MED12L: variants seen among roughly 807,000 people sequenced by gnomAD.
The protein encoded by MED12L is mediator of RNA polymerase II transcription subunit 12-like protein.
A neutral mutation model predicts 281.3 loss-of-function variants in MED12L; 60 were observed. The ratio of observed to expected loss-of-function variants is 0.21; its 90% CI spans 0.17 to 0.26. The LOEUF (loss-of-function observed/expected upper bound fraction) is 0.26. MED12L is among the 10% of genes least tolerant of loss of function. The probability of loss-of-function intolerance (pLI) is 1.00; values close to 1 mark genes in which losing one functional copy is unlikely to be tolerated. For synonymous variants in MED12L, 974 were observed against 987.2 expected (o/e 0.99, Z 0.25); for missense variants, 2,146 against 2,680.9 (o/e 0.80, Z 4.41).
Position 151,432,683 on chromosome 3 carries a change from AGAGG to A in MED12L, c.6491-67_6491-64del, listed in dbSNP as rs1719670581. On this transcript the variant is annotated intron_variant, in intron 44 of 44. Coordinates refer to ENST00000687756, the MANE Select transcript of MED12L (RefSeq NM_001393769.1). The stretch of plus-strand genomic sequence containing the variant: ...GCAGCTGGTACTGAGAGCAGTGACA[AGAGG>A]GTAGCATCCATCTGTGCAATAGTTT... The A allele has an allele frequency of 4.4e-6, 5 of 1,141,950 alleles. No individual in the cohort carries two copies. The South Asian group carries it at 6.5e-5, about 15-fold the overall frequency. 70.7% of individuals were successfully genotyped at this position (1,141,950 alleles called of 1,614,324 possible).
chr3:151,141,166 G>GTTTTTTTTGT (rs1716883798), intron 5 of MED12L, among the ~76,000 whole-genome samples: 1 of 98,122 alleles, frequency 1.0e-5, no homozygotes, highest in African/African-American at 5.3e-5. Flanking sequence ...CGTGCCTGGC[G>GTTTTTTTTGT]TTTTTTTTTT....
intron 16 of MED12L, chr3:151,328,953 G>A (rs773366464): frequency 1.7e-5 from 27 of 1,613,094 alleles, no homozygotes; most frequent in Middle Eastern, 3.3e-4. Flanking sequence ...CTGGGGCACC[G>A]CTCAGATCTG....
At chr3:151,376,342 T>A in intron 28 of MED12L, 128 bp downstream of exon 28, 1 of 745,806 alleles carries the variant, frequency 1.3e-6, no homozygotes, top group Non-Finnish European at 2.0e-6. Context: ...TCCCACACAT[T>A]TTCTGTGGAA....
intron 36 of MED12L, among the ~76,000 whole-genome samples, chr3:151,386,815 C>T (rs1713458845): frequency 6.6e-6 from 1 of 151,972 alleles, no homozygotes; most frequent in African/African-American, 2.4e-5. Context: ...ACCTCGTGAT[C>T]CACCTGCCTC....
intron 15 of MED12L, 98 bp from the exon 16 acceptor site, chr3:151,193,392 G>A (rs1378423537): frequency 2.3e-6 from 2 of 860,656 alleles, no homozygotes; most frequent in Non-Finnish European, 3.6e-6. Context: ...AGGAAAAGGT[G>A]TATAAGTGTC....
At chr3:151,128,050 C>A in intron 5 of MED12L, 66 bp downstream of exon 5, 2 of 1,386,320 alleles carry the variant, frequency 1.4e-6, no homozygotes, top group Non-Finnish European at 1.0e-6. Flanking sequence ...GTTGCCTGTA[C>A]CCTCTGGATA....
At chr3:151,420,980 C>A (rs1185712486) in intron 43 of MED12L, among the ~76,000 whole-genome samples, 1 of 152,212 alleles carries the variant, frequency 6.6e-6, no homozygotes, top group Non-Finnish European at 1.5e-5. Context: ...CACCATGTAG[C>A]TGGCTGATCA....
At chr3:151,402,267 T>C (rs1158164725) in intron 39 of MED12L, among the ~76,000 whole-genome samples, 1 of 152,214 alleles carries the variant, frequency 6.6e-6, no homozygotes, top group East Asian at 1.9e-4. Context: ...CTTTGGCATT[T>C]GAATATATAA....
intron 11 of MED12L, among the ~76,000 whole-genome samples, chr3:151,169,794 T>A (rs1426865721): frequency 6.6e-6 from 1 of 152,214 alleles, no homozygotes; most frequent in Non-Finnish European, 1.5e-5. Context: ...GTTTTCATAA[T>A]TCATTCAGGA....
At chr3:151,197,695 T>C (rs1416556498) in intron 16 of MED12L, 14 of 152,776 alleles carry the variant, frequency 9.2e-5, no homozygotes, top group Admixed American at 8.5e-4. Context: ...CCCTCTGAAA[T>C]GTTACAGGGC....
At chr3:151,191,344 T>C (rs1045527338) in intron 14 of MED12L, among the ~76,000 whole-genome samples, 1 of 152,246 alleles carries the variant, frequency 6.6e-6, no homozygotes, top group African/African-American at 2.4e-5. Flanking sequence ...TATATCACTC[T>C]TTTATTCATA....
chr3:151,214,401 A>G, intron 16 of MED12L: 1 of 1,151,230 alleles, frequency 8.7e-7, no homozygotes, highest in Non-Finnish European at 1.2e-6. Context: ...ACATTTGCTG[A>G]GTAATAAGGC....
intron 2 of MED12L, among the ~76,000 whole-genome samples, chr3:151,106,782 T>TAATA (rs1170055696): frequency 6.6e-6 from 1 of 152,256 alleles, no homozygotes; most frequent in African/African-American, 2.4e-5. Flanking sequence ...TTATCTCTGA[T>TAATA]AATACTTTTT....
In MED12L at chr3:151,369,516, G is replaced by A. The variant is rs201122370; in HGVS notation, c.3631G>A (p.Val1211Met). ...TCACAACAGCATTGAAGTGGGAGCC[G>A]TGTTTGCTGTCTTAAAAGCAATTAT... ...AAHNSIEVGA[V>M]FAVLKAIMML... Residue 1211 changes from valine (V) to methionine (M), a missense_variant, in exon 26 of 45, where the codon GTG becomes ATG. By Grantham distance (21) the Val-to-Met change is conservative (BLOSUM62 1). Transcript: ENST00000687756. 1.2e-5 allele frequency: 20 copies of A among 1,611,168 alleles called. No homozygotes were observed. The highest frequency in any genetic ancestry group is 1.7e-4 in the Middle Eastern group (1 of 6,042).
At chr3:151,171,683 A>G (rs1187529398) in intron 11 of MED12L, among the ~76,000 whole-genome samples, 1 of 152,236 alleles carries the variant, frequency 6.6e-6, no homozygotes, top group Non-Finnish European at 1.5e-5. Context: ...GATGTTTTGA[A>G]TGGCAAAGGC....
intron 16 of MED12L, among the ~76,000 whole-genome samples, chr3:151,210,386 G>T (rs765700203): frequency 6.6e-6 from 1 of 152,220 alleles, no homozygotes. Context: ...GATGACCAAC[G>T]AATGAGCACT....
chr3:151,386,578 G>GTTTTT (rs201719010), intron 36 of MED12L, among the ~76,000 whole-genome samples: 1 of 128,380 alleles, frequency 7.8e-6, no homozygotes, highest in Non-Finnish European at 1.6e-5. Context: ...TTTTGTCTTT[G>GTTTTT]TTTTTTTTTT....
chr3:151,172,973 TTGTG>T (rs1051018799), intron 11 of MED12L, among the ~76,000 whole-genome samples: 1 of 152,238 alleles, frequency 6.6e-6, no homozygotes, highest in Non-Finnish European at 1.5e-5. Flanking sequence ...GAAAACAAAA[TTGTG>T]TGTCCAGTTA....
chr3:151,408,175 T>G (rs1577580845), intron 39 of MED12L, among the ~76,000 whole-genome samples: 1 of 152,202 alleles, frequency 6.6e-6, no homozygotes, highest in Non-Finnish European at 1.5e-5. Context: ...GAGCCTGGCT[T>G]TTCCTGTCTG....
Sources: gnomAD v4.1 joint callset for allele counts (sites outside exome capture counted in the v4.1 genomes callset) on GRCh38, gnomAD v4.1.1 for gene constraint, MANE v1.5 for transcripts, NCBI Gene and HGNC (gene_info 2026-07-23, HGNC 2026-07-21) for gene names.